The following MDN1 variants were observed in gnomAD, a reference collection of about 807,000 sequenced individuals.
The protein encoded by MDN1 is midasin AAA ATPase 1, also known as midasin.
A neutral mutation model predicts 669.2 loss-of-function variants in MDN1; 266 were observed. That is an observed-to-expected ratio of 0.40 (90% CI 0.36 to 0.44). MDN1 has a LOEUF of 0.44. Among genes scored for constraint, MDN1 ranks in the 20% least tolerant of loss-of-function variants. MDN1 has a pLI of 1.00. For synonymous variants in MDN1, 2,385 were observed against 2,457.1 expected (o/e 0.97, Z 0.87); for missense variants, 5,940 against 6,754.0 (o/e 0.88, Z 4.22).
chr6:89,739,021 A>G (rs1816149770), intron 32 of MDN1, among the ~76,000 whole-genome samples: 2 of 152,248 alleles, frequency 1.3e-5, no homozygotes, highest in Admixed American at 6.5e-5. Context: ...CACTATTCAC[A>G]AATGTTTGCA....
chr6:89,741,925 A>G (rs574128510), intron 31 of MDN1, among the ~76,000 whole-genome samples: 2 of 151,916 alleles, frequency 1.3e-5, no homozygotes, highest in Non-Finnish European at 2.9e-5. Context: ...ACATGGTGAA[A>G]CCCCATCTTT....
At chr6:89,687,089 G>A in intron 68 of MDN1, 66 bp from the exon 69 acceptor site, 15 of 1,586,972 alleles carry the variant, frequency 9.5e-6, no homozygotes, top group Non-Finnish European at 1.3e-5. Flanking sequence ...AACCAAAGAT[G>A]CAGAAGCTAC....
At chr6:89,815,205 C>T (rs1584414069) in intron 1 of MDN1, 17 of 383,728 alleles carry the variant, frequency 4.4e-5, no homozygotes, top group South Asian at 3.2e-4. Context: ...GCAGTGGAGG[C>T]GGGAGACTGC....
rs758106200 is a variant in MDN1 at position 89,674,334 on chromosome 6, A to C, written c.13017T>G (p.Leu4339=). 14 of 1,614,132 alleles carry C rather than the reference A, an allele frequency of 8.7e-6. No homozygotes were observed. The South Asian group carries it at 1.4e-4, about 16-fold the overall frequency. ...PPGPCLEGPE[L]SKGQLCGVVL... ...CTACTCCACAAAGTTGTCCCTTGCT[A>C]AGTTCTGGTCCTTCCAGGCAGGGGC... Residue 4339 remains leucine (L), a synonymous_variant, in exon 79 of 102, where the codon CTT becomes CTG. Transcript: ENST00000369393.
intron 33 of MDN1, among the ~76,000 whole-genome samples, chr6:89,734,775 G>A (rs952233322): frequency 1.3e-5 from 2 of 150,574 alleles, no homozygotes; most frequent in African/African-American, 4.9e-5. Context: ...TGGCAGTGTT[G>A]TAAATGATAC....
At position 89,689,931 on chromosome 6, in the gene MDN1, G is replaced by C. The variant is rs544699705; in HGVS notation, c.10962C>G (p.Ser3654Arg). The C allele has an allele frequency of 6.2e-7, 1 of 1,614,230 alleles. No individual in the cohort carries two copies. Among genetic ancestry groups the C allele is most frequent in the South Asian group, 1.1e-5 (1 of 91,088 alleles). The change falls in exon 65 of 102, where the codon AGC becomes AGG. Residue 3654 changes from serine (S) to arginine (R), a missense_variant. By Grantham distance (110) the Ser-to-Arg change is moderately radical (BLOSUM62 -1). Transcript: ENST00000369393. ...CAGTCTGATAGCAAGACAGAAACAG[G>C]CTGAGGTAATGCTTTGCTTCATGTG... ...LPPHEAKHYL[S>R]LFLSCYQTGA...
intron 5 of MDN1, among the ~76,000 whole-genome samples, 181 bp downstream of exon 5, chr6:89,793,581 G>C (rs959857539): frequency 1.3e-5 from 2 of 152,106 alleles, no homozygotes; most frequent in Non-Finnish European, 2.9e-5. Flanking sequence ...ATAAAAACAA[G>C]AACAGTGGGA....
chr6:89,725,325 C>A lies in MDN1; in HGVS notation c.5544G>T (p.Val1848=). ...ACFDHRGEIY[V]PELGMSFQVQ... ...CTTGAAAGCTCATTCCTAACTCAGG[C>A]ACATAGATTTCTCCTCGGTGGTCAA... Residue 1848 remains valine (V), a synonymous_variant, in exon 38 of 102, where the codon GTG becomes GTT. Coordinates refer to ENST00000369393, the MANE Select transcript of MDN1 (RefSeq NM_014611.3). 1 of 1,613,992 alleles carries A rather than the reference C, an allele frequency of 6.2e-7. No homozygotes were observed. The highest frequency in any genetic ancestry group is 1.1e-5 in the South Asian group (1 of 91,062).
At chr6:89,687,464 T>TA (rs1347104200) in intron 67 of MDN1, 26 bp from the exon 68 acceptor site, 1 of 1,592,340 alleles carries the variant, frequency 6.3e-7, no homozygotes, top group Non-Finnish European at 8.6e-7. Context: ...TAAAATTTAC[T>TA]ACAGATATTA....
At position 89,671,098 on chromosome 6, in the gene MDN1, C is replaced by G; in HGVS notation, c.13795-18G>C. The G allele has an allele frequency of 6.2e-7, 1 of 1,610,738 alleles. No individual in the cohort carries two copies. Among genetic ancestry groups the G allele is most frequent in the South Asian group, 1.1e-5 (1 of 90,636 alleles). The stretch of plus-strand genomic sequence containing the variant: ...CTGAAGAACTGAGACCAAAACAAAA[C>G]AAAAGGCCTGCTCACACTGCTTGGC... On this transcript the variant is annotated intron_variant, in intron 82 of 101. Coordinates refer to ENST00000369393, the MANE Select transcript of MDN1 (RefSeq NM_014611.3).
intron 1 of MDN1, 69 bp from the exon 2 acceptor site, chr6:89,803,623 C>T (rs1352676286): frequency 8.4e-7 from 1 of 1,185,090 alleles, no homozygotes; most frequent in Non-Finnish European, 1.2e-6. Context: ...GCTCTGTCGC[C>T]CAGGAGCAAG....
Position 89,809,691 on chromosome 6 carries a change from G to A in MDN1, c.103-6137C>T, listed in dbSNP as rs140165752. ...CTCGGGAGGCTGAGGCAGGAGAATC[G>A]CTTGAACCCAGGAAGCAGAGGTTGC... On this transcript the variant is annotated intron_variant, in intron 1 of 101. Coordinates refer to ENST00000369393, the MANE Select transcript of MDN1 (RefSeq NM_014611.3). Among the ~76,000 whole-genome samples, 863 of 151,342 alleles carry A rather than the reference G, an allele frequency of 5.7e-3. 10 individuals carry two copies. The highest frequency in any genetic ancestry group is 0.02 in the African/African-American group (818 of 41,222).
intron 77 of MDN1, 43 bp downstream of exon 77, chr6:89,676,059 G>GCTTT: frequency 6.4e-7 from 1 of 1,565,890 alleles, no homozygotes; most frequent in Non-Finnish European, 8.8e-7. Flanking sequence ...CAGAACAAGG[G>GCTTT]CTTTCCCTGA....
intron 15 of MDN1, among the ~76,000 whole-genome samples, chr6:89,767,638 C>A (rs1296410753): frequency 6.6e-6 from 1 of 152,074 alleles, no homozygotes; most frequent in Non-Finnish European, 1.5e-5. Flanking sequence ...TGCCTGTAAT[C>A]CCAGCTACTC....
chr6:89,774,944 T>C (rs949375124), intron 12 of MDN1, among the ~76,000 whole-genome samples: 3 of 152,182 alleles, frequency 2.0e-5, no homozygotes, highest in African/African-American at 7.2e-5. Context: ...TTCCCTAAAA[T>C]GGTACTTTTC....
intron 17 of MDN1, among the ~76,000 whole-genome samples, chr6:89,759,884 C>T (rs1321716003): frequency 6.6e-6 from 1 of 151,440 alleles, no homozygotes; most frequent in Non-Finnish European, 1.5e-5. Context: ...CCAGCCTGGC[C>T]AACATGGCAA....
rs769098735 is a variant in MDN1, at chr6:89,662,917, T to C, written c.14287A>G (p.Met4763Val). ...GCTTCCTCACCATTGAGATCGCCCA[T>C]GTGTTTATCCAGGTCTCCGCCCTCA... ...DSEGGDLDKH[M>V]GDLNGEEADK... Residue 4763 changes from methionine to valine, a missense_variant, in exon 86 of 102, where the codon ATG becomes GTG. By Grantham distance (21) the Met-to-Val change is conservative. Around this residue, in one of 5 missense-constraint regions of MDN1, gnomAD observed 2,280 missense variants for 2,576.3 expected, o/e 0.88. Transcript: ENST00000369393. 1.2e-6 allele frequency: 2 copies of C among 1,614,108 alleles called. No homozygotes were observed. Among genetic ancestry groups the C allele is most frequent in the Non-Finnish European group, 1.7e-6 (2 of 1,180,030 alleles).
chr6:89,688,468 T>G lies in MDN1; in HGVS notation c.11259+105A>C, dbSNP rs879135066. ...AACTGCAGTTCTTTAAGCCTTTGTT[T>G]ATATGTATATATGTGCAAGTGGGTG... is the stretch of plus-strand genomic sequence containing the variant. On this transcript the variant is annotated intron_variant, in intron 66 of 101. Coordinates refer to ENST00000369393, the MANE Select transcript of MDN1 (RefSeq NM_014611.3). 5 of 990,326 alleles carry G rather than the reference T, an allele frequency of 5.0e-6. No homozygotes were observed. The South Asian group carries it at 8.4e-5, about 17-fold the overall frequency. The allele number at this position is 990,326 out of a possible 1,614,324, so 61.3% of individuals were successfully genotyped here.
At chr6:89,666,503 G>A (rs1383084134) in intron 84 of MDN1, among the ~76,000 whole-genome samples, 4 of 152,034 alleles carry the variant, frequency 2.6e-5, no homozygotes, top group African/African-American at 9.7e-5. Flanking sequence ...GTTTTGTTTT[G>A]TTTTAATTTT....
Sources: allele counts gnomAD v4.1 joint callset (sites outside exome capture counted in the v4.1 genomes callset), GRCh38; gene constraint gnomAD v4.1.1; regional missense constraint gnomAD v4.1.1; transcripts MANE v1.5; gene names NCBI Gene and HGNC (gene_info 2026-07-23, HGNC 2026-07-21).